Variants in SENP7 observed in about 807,000 individuals in gnomAD.
SENP7 encodes sentrin-specific protease 7.
SENP7 carries 64 observed loss-of-function variants against 141.2 expected under a neutral mutation model. The ratio of observed to expected loss-of-function variants is 0.45; its 90% CI spans 0.37 to 0.56. SENP7 has a LOEUF of 0.56. Ranked by LOEUF, SENP7 falls within the 20% of genes least tolerant of loss-of-function variation. The probability of loss-of-function intolerance (pLI) is 0.00; values close to 1 mark genes in which losing one functional copy is unlikely to be tolerated. For synonymous variants in SENP7, 382 were observed against 426.4 expected (o/e 0.90, Z 1.28); for missense variants, 1,025 against 1,212.2 (o/e 0.85, Z 2.29).
intron 4 of SENP7, among the ~76,000 whole-genome samples, chr3:101,450,774 A>AT (rs1486437946): frequency 6.6e-6 from 1 of 152,226 alleles, no homozygotes; most frequent in Non-Finnish European, 1.5e-5. Context: ...AAGATCTAAT[A>AT]TTGACACCCT....
intron 2 of SENP7, among the ~76,000 whole-genome samples, chr3:101,495,319 A>G (rs1434288515): frequency 6.6e-6 from 1 of 152,252 alleles, no homozygotes; most frequent in African/African-American, 2.4e-5. Flanking sequence ...AAATTAGTTC[A>G]ACCATTGTGG....
chr3:101,368,572 T>A (rs2060098477), intron 7 of SENP7, among the ~76,000 whole-genome samples: 1 of 96,592 alleles, frequency 1.0e-5, no homozygotes, highest in Admixed American at 1.5e-4. Flanking sequence ...ACTGGGCCTG[T>A]TGTAGGGTGG....
At chr3:101,428,711 T>C (rs2062048741) in intron 4 of SENP7, among the ~76,000 whole-genome samples, 1 of 152,226 alleles carries the variant, frequency 6.6e-6, no homozygotes, top group South Asian at 2.1e-4. Context: ...ATCCCATTTG[T>C]CAATTTTGGC....
chr3:101,360,356 G>C (rs1188950558), intron 11 of SENP7, among the ~76,000 whole-genome samples: 1 of 152,232 alleles, frequency 6.6e-6, no homozygotes, highest in East Asian at 1.9e-4. Flanking sequence ...AGCCTTTCCT[G>C]ATTCCTCCAG....
rs1419622679 is a variant in SENP7, at chr3:101,400,043, T to C, written c.483-988A>G. ...ACATTTGATATATAAAGAAGTACAT[T>C]TGGTATAAAATTAGTGCAATATTTA... is the stretch of plus-strand genomic sequence containing the variant. On this transcript the variant is annotated intron_variant, in intron 5 of 23. Transcript: ENST00000394095. Among the ~76,000 whole-genome samples, 6 of 152,334 alleles carry C rather than the reference T, an allele frequency of 3.9e-5. 1 individual carries two copies. The highest frequency in any genetic ancestry group is 2.9e-5 in the Non-Finnish European group (2 of 68,032).
intron 5 of SENP7, chr3:101,414,191 C>T: frequency 3.5e-6 from 2 of 572,720 alleles, no homozygotes; most frequent in East Asian, 3.0e-5. Context: ...CTATATATGG[C>T]CGCACAGCAT....
At chr3:101,450,665 C>A (rs931155776) in intron 4 of SENP7, among the ~76,000 whole-genome samples, 1 of 152,070 alleles carries the variant, frequency 6.6e-6, no homozygotes, top group African/African-American at 2.4e-5. Context: ...TTGAAACCAA[C>A]GAGGACAAAG....
chr3:101,467,096 G>A (rs1358411787), intron 3 of SENP7, among the ~76,000 whole-genome samples: 3 of 152,220 alleles, frequency 2.0e-5, no homozygotes, highest in Non-Finnish European at 4.4e-5. Context: ...ACAGCACTCT[G>A]AGATCAAACT....
At chr3:101,399,543 C>T (rs547658447) in intron 5 of SENP7, among the ~76,000 whole-genome samples, 6 of 152,252 alleles carry the variant, frequency 3.9e-5, no homozygotes, top group East Asian at 1.9e-4. Flanking sequence ...TGAAAGATTC[C>T]GTAACTGAAA....
chr3:101,332,782 G>A lies in SENP7; in HGVS notation c.2561C>T (p.Pro854Leu). The change falls in exon 18 of 24, where the codon CCT becomes CTT. Residue 854 changes from proline (P) to leucine (L), a missense_variant. Physicochemically the swap from Pro to Leu is moderately conservative, Grantham distance 98. Coordinates refer to ENST00000394095, the MANE Select transcript of SENP7 (RefSeq NM_020654.5). ...CTGAAATACTTACGACTCATTTACA[G>A]GTACAAAGATGTAATCTTTATTAAA... is the stretch of plus-strand genomic sequence containing the variant. ...NIFNKDYIFV[P>L]VNESSHWYLA... 6.6e-7 allele frequency: 1 copy of A among 1,517,816 alleles called. No homozygotes were observed. The highest frequency in any genetic ancestry group is 8.8e-7 in the Non-Finnish European group (1 of 1,139,656). 94.0% of individuals were successfully genotyped at this position (1,517,816 alleles called of 1,614,324 possible). A position where few individuals can be genotyped will look rare whatever the true frequency, so the allele number is the denominator to read the frequency against.
chr3:101,463,250 G>A (rs1446497637), intron 3 of SENP7, among the ~76,000 whole-genome samples: 1 of 151,522 alleles, frequency 6.6e-6, no homozygotes, highest in East Asian at 1.9e-4. Context: ...TCAGAAGGCT[G>A]AGGCAGGAGG....
chr3:101,391,177 C>CA (rs2060805004), intron 6 of SENP7, among the ~76,000 whole-genome samples: 1 of 150,900 alleles, frequency 6.6e-6, no homozygotes, highest in Non-Finnish European at 1.5e-5. Context: ...TGATGCATCT[C>CA]AAAAAACTAG....
chr3:101,440,211 A>C (rs2062608031), intron 4 of SENP7, among the ~76,000 whole-genome samples: 1 of 14,520 alleles, frequency 6.9e-5, no homozygotes, highest in Non-Finnish European at 1.7e-4. Context: ...GAGACTTTTC[A>C]TTTTGTTCTG....
intron 5 of SENP7, among the ~76,000 whole-genome samples, 195 bp from the exon 6 acceptor site, chr3:101,399,250 T>C (rs1338807441): frequency 6.6e-6 from 1 of 152,258 alleles, no homozygotes; most frequent in East Asian, 1.9e-4. Context: ...GAAGCACTTG[T>C]TTCTTATCAC....
rs555766175 is a variant in SENP7 at position 101,441,547 on chromosome 3, T to C, written c.284+17408A>G. On this transcript the variant is annotated intron_variant, in intron 4 of 23. Transcript: ENST00000394095. ...AGCCCACCCTACTCACCATTGCCAATGCCCAAGTACACTGCCAATGCCCAA... is the reference window on the plus strand; with the variant it reads ...AGCCCACCCTACTCACCATTGCCAACGCCCAAGTACACTGCCAATGCCCAA... Among the ~76,000 whole-genome samples the C allele has an allele frequency of 2.6e-5, 4 of 151,996 alleles. No homozygotes were observed. The East Asian group carries it at 7.7e-4, about 29-fold the overall frequency.
chr3:101,500,774 T>C (rs1444312181), intron 2 of SENP7, among the ~76,000 whole-genome samples: 2 of 152,210 alleles, frequency 1.3e-5, no homozygotes, highest in African/African-American at 4.8e-5. Flanking sequence ...ATTGGTACTC[T>C]AATAGATTAA....
At chr3:101,374,597 AC>A (rs1477511187) in intron 6 of SENP7, among the ~76,000 whole-genome samples, 3 of 127,770 alleles carry the variant, frequency 2.3e-5, no homozygotes, top group Non-Finnish European at 5.1e-5. Flanking sequence ...GTTTCACCCC[AC>A]CCACACACAC....
intron 4 of SENP7, chr3:101,458,455 C>CTAT (rs1159907160): frequency 6.6e-6 from 1 of 152,114 alleles, no homozygotes; most frequent in Non-Finnish European, 1.5e-5. Flanking sequence ...TTGAATCCTC[C>CTAT]AGATATTTAA....
Position 101,347,887 on chromosome 3 carries a change from C to T in SENP7, c.1822G>A (p.Val608Ile). The stretch of plus-strand genomic sequence containing the variant: ...TTATACTCACATTGCTGGCTTAATA[C>T]AGAGTGTTCTAATTGGGTCTGAATC... ...QEIQTQLEHS[V>I]LSQQSKSSEF... The change falls in exon 13 of 24, where the codon GTA becomes ATA. Residue 608 changes from valine to isoleucine, a missense_variant. Physicochemically the swap from Val to Ile is conservative, Grantham distance 29. Coordinates refer to ENST00000394095, the MANE Select transcript of SENP7 (RefSeq NM_020654.5). The T allele has an allele frequency of 6.4e-7, 1 of 1,567,976 alleles. No homozygotes were observed. The highest frequency in any genetic ancestry group is 8.7e-7 in the Non-Finnish European group (1 of 1,154,138).
Sources: gnomAD v4.1 joint callset for allele counts (sites outside exome capture counted in the v4.1 genomes callset) on GRCh38, gnomAD v4.1.1 for gene constraint, MANE v1.5 for transcripts, NCBI Gene and HGNC (gene_info 2026-07-23, HGNC 2026-07-21) for gene names.